Variants in AP3D1 observed in about 807,000 individuals in gnomAD.
AP3D1 encodes the protein adaptor related protein complex 3 subunit delta 1.
A neutral mutation model predicts 147.6 loss-of-function variants in AP3D1; 51 were observed. The ratio of observed to expected loss-of-function variants is 0.35; its 90% CI spans 0.28 to 0.44. The LOEUF (loss-of-function observed/expected upper bound fraction) is 0.44. Among genes scored for constraint, AP3D1 ranks in the 20% least tolerant of loss-of-function variants. The pLI is 1.00. For synonymous variants in AP3D1, 760 were observed against 663.0 expected (o/e 1.15, Z -2.25); for missense variants, 1,421 against 1,624.2 (o/e 0.87, Z 2.15).
intron 18 of AP3D1, 53 bp from the exon 19 acceptor site, chr19:2,115,666 C>A: frequency 6.4e-7 from 1 of 1,561,456 alleles, no homozygotes; most frequent in Non-Finnish European, 8.7e-7. Context: ...GACACACGTG[C>A]AAGACAAGCC....
chr19:2,124,510 G>A (rs1041562144), intron 9 of AP3D1, among the ~76,000 whole-genome samples: 31 of 152,226 alleles, frequency 2.0e-4, no homozygotes, highest in African/African-American at 6.3e-4. Context: ...CACATGCAGG[G>A]ACAGAGACTC....
upstream of AP3D1, among the ~76,000 whole-genome samples, chr19:2,153,369 G>C (rs1255021320): frequency 7.7e-6 from 1 of 130,048 alleles, no homozygotes; most frequent in Non-Finnish European, 1.6e-5. Context: ...GCGAAACATG[G>C]TCTCAAAAAA....
rs2019297786 is a variant in AP3D1 at position 2,144,173 on chromosome 19, A to G, written c.97-5459T>C. Among the ~76,000 whole-genome samples the G allele has an allele frequency of 5.3e-5, 8 of 152,272 alleles. No individual in the cohort carries two copies. The South Asian group carries it at 1.0e-3, about 20-fold the overall frequency. ...GGCGAAGTGGTCCATCCTGCCCAGG[A>G]TAAGTTACTATCCACAATCACCATC... On this transcript the variant is annotated intron_variant, in intron 1 of 31. Coordinates refer to ENST00000643116, the MANE Select transcript of AP3D1 (RefSeq NM_001261826.3).
intron 3 of AP3D1, among the ~76,000 whole-genome samples, chr19:2,137,318 T>TC (rs1032162195): frequency 2.0e-5 from 3 of 151,980 alleles, no homozygotes; most frequent in African/African-American, 7.3e-5. Context: ...GTATGTGTTT[T>TC]TTTTTTTTTC....
chr19:2,128,452 CCG>C, intron 8 of AP3D1, among the ~76,000 whole-genome samples: 1 of 128,190 alleles, frequency 7.8e-6, no homozygotes, highest in Non-Finnish European at 1.7e-5. Context: ...GCACTGCACC[CCG>C]TGGAGCCGGC....
At chr19:2,150,767 G>C (rs1470634760) in intron 1 of AP3D1, among the ~76,000 whole-genome samples, 2 of 152,228 alleles carry the variant, frequency 1.3e-5, no homozygotes, top group African/African-American at 4.8e-5. Flanking sequence ...GAGGGTCCGG[G>C]GGCGGGGCCC....
chr19:2,164,316 G>T, intron 1 of AP3D1: 1 of 1,206,980 alleles, frequency 8.3e-7, no homozygotes. Flanking sequence ...CTCCTCCGCC[G>T]CCCCTGGGGA....
At chr19:2,152,831 G>A (rs191286127), upstream of AP3D1, among the ~76,000 whole-genome samples, 101 of 152,014 alleles carry the variant, frequency 6.6e-4, no homozygotes, top group Non-Finnish European at 1.1e-3. Flanking sequence ...AGCCGAGATC[G>A]CGCCACTGCA....
chr19:2,138,779 G>C, intron 1 of AP3D1, 65 bp from the exon 2 acceptor site: 1 of 1,231,454 alleles, frequency 8.1e-7, no homozygotes, highest in Non-Finnish European at 1.2e-6. Context: ...TAATGATTTC[G>C]GGCCAGGCAC....
chr19:2,135,800 G>A (rs2019060860), intron 4 of AP3D1, among the ~76,000 whole-genome samples: 1 of 152,178 alleles, frequency 6.6e-6, no homozygotes, highest in African/African-American at 2.4e-5. Flanking sequence ...ATCAGCAAGA[G>A]ACACAAAGCT....
chr19:2,157,562 C>T (rs1166316651), intron 1 of AP3D1, among the ~76,000 whole-genome samples: 1 of 151,418 alleles, frequency 6.6e-6, no homozygotes, highest in Non-Finnish European at 1.5e-5. Context: ...TCCATCTACC[C>T]ATCTACCCAT....
At chr19:2,145,776 G>C (rs1401137867) in intron 1 of AP3D1, among the ~76,000 whole-genome samples, 1 of 152,134 alleles carries the variant, frequency 6.6e-6, no homozygotes, top group Non-Finnish European at 1.5e-5. Context: ...CACACACCAA[G>C]CCTTCTGCCC....
At chr19:2,110,608 T>G in intron 27 of AP3D1, 99 bp downstream of exon 27, 7 of 1,277,414 alleles carry the variant, frequency 5.5e-6, no homozygotes, top group Middle Eastern at 2.7e-4. Flanking sequence ...AAAGGGGACA[T>G]GGGGAGGAAG....
At chr19:2,155,719 C>A (rs565594910), upstream of AP3D1, among the ~76,000 whole-genome samples, 1 of 151,864 alleles carries the variant, frequency 6.6e-6, no homozygotes, top group Non-Finnish European at 1.5e-5. Context: ...CTTTTGTTTT[C>A]TGTATGGGTG....
chr19:2,131,317 G>C (rs1302933018), intron 5 of AP3D1, among the ~76,000 whole-genome samples: 3 of 151,550 alleles, frequency 2.0e-5, no homozygotes, highest in Admixed American at 1.3e-4. Context: ...CCACGATCTA[G>C]ACACCAGGTG....
intron 6 of AP3D1, 108 bp from the exon 7 acceptor site, chr19:2,129,565 T>C (rs1187435361): frequency 7.4e-7 from 1 of 1,358,060 alleles, no homozygotes; most frequent in African/African-American, 1.5e-5. Flanking sequence ...CAGCTCCCAC[T>C]GAACATGGCC....
intron 14 of AP3D1, among the ~76,000 whole-genome samples, chr19:2,119,044 G>A (rs2018538105): frequency 6.6e-6 from 1 of 152,248 alleles, no homozygotes. Context: ...ATGTGGAGAT[G>A]ACAGAGCCAC....
chr19:2,117,511 A>C, intron 15 of AP3D1, 144 bp from the exon 16 acceptor site: 1 of 897,038 alleles, frequency 1.1e-6, no homozygotes, highest in Non-Finnish European at 1.6e-6. Flanking sequence ...CCCAGCCTTC[A>C]TGCCGTCTCT....
intron 4 of AP3D1, among the ~76,000 whole-genome samples, chr19:2,135,885 C>T (rs1185125647): frequency 1.3e-5 from 2 of 152,088 alleles, no homozygotes; most frequent in Non-Finnish European, 2.9e-5. Flanking sequence ...CTCCACCCTC[C>T]TCCCTCCCAG....
Sources: gnomAD v4.1 joint callset for allele counts (sites outside exome capture counted in the v4.1 genomes callset) on GRCh38, gnomAD v4.1.1 for gene constraint, MANE v1.5 for transcripts, NCBI Gene and HGNC (gene_info 2026-07-23, HGNC 2026-07-21) for gene names.